Variants in CHD4 observed in about 807,000 individuals in gnomAD.
CHD4 encodes ATP-dependent chromatin remodeler CHD4.
CHD4 carries 35 observed loss-of-function variants against 235.5 expected under a neutral mutation model. That is an observed-to-expected ratio of 0.15 (90% CI 0.11 to 0.20). The LOEUF (loss-of-function observed/expected upper bound fraction) is 0.20, where lower values mean the gene tolerates loss of function less well. Ranked by LOEUF, CHD4 falls within the 10% of genes least tolerant of loss-of-function variation. CHD4 has a pLI of 1.00. For missense variants in CHD4, 1,329 were observed against 2,432.3 expected (o/e 0.55, Z 9.54); for synonymous variants, 900 against 850.2 (o/e 1.06, Z -1.02).
Position 6,583,386 on chromosome 12 carries a change from A to G in CHD4, c.3880-8T>C, listed in dbSNP as rs1209183455. ...TTCTACCTCCTCTTCCTCCTGGGAC[A>G]GAGGGAGGGCCAGGACTCAGGAGTG... On this transcript the variant is annotated splice_polypyrimidine_tract_variant and splice_region_variant and intron_variant, in intron 25 of 39. Transcript: ENST00000544040. 1 of 1,601,178 alleles carries G rather than the reference A, an allele frequency of 6.2e-7. No individual in the cohort carries two copies. Among genetic ancestry groups the G allele is most frequent in the Non-Finnish European group, 8.5e-7 (1 of 1,172,558 alleles).
In CHD4 at chr12:6,581,118, G is replaced by A. The variant is rs752982860; in HGVS notation, c.4835C>T (p.Pro1612Leu). The A allele has an allele frequency of 6.2e-7, 1 of 1,614,014 alleles. No individual in the cohort carries two copies. Among genetic ancestry groups the A allele is most frequent in the South Asian group, 1.1e-5 (1 of 91,074 alleles). Reference protein sequence around the residue: ...SEDEKVVVEPPEGEEKVEKAE... With the variant: ...SEDEKVVVEPLEGEEKVEKAE... ...CTTTTCCACTTTCTCCTCTCCCTCA[G>A]GGGGTTCAACAACGACCTTTTCATC... The change falls in exon 33 of 40, where the codon CCT (proline) becomes CTT (leucine). Residue 1612 changes from proline (P) to leucine (L), a missense_variant. Pro to Leu is a moderately conservative substitution (Grantham distance 98). This residue lies in a region of CHD4 where 219 missense variants were observed against 219.3 expected (regional missense o/e 1.00). Transcript: ENST00000544040.
intron 38 of CHD4, among the ~76,000 whole-genome samples, chr12:6,572,684 A>C (rs971702010): frequency 6.6e-6 from 1 of 152,126 alleles, no homozygotes; most frequent in African/African-American, 2.4e-5. Flanking sequence ...CAGCCTCCTG[A>C]GTAGCTAGGA....
rs1439854828 is a variant in CHD4, at chr12:6,591,205, T to C, written c.3340+261A>G. On this transcript the variant is annotated intron_variant, in intron 22 of 39. Coordinates refer to ENST00000544040, the MANE Select transcript of CHD4 (RefSeq NM_001273.5). The stretch of plus-strand genomic sequence containing the variant: ...TCTGCTAGTAACTTGCTATTTGAGC[T>C]TGAACAAGTCCTGACCCTTTGCTTG... 3 of 332,576 alleles carry C rather than the reference T, an allele frequency of 9.0e-6. No individual in the cohort carries two copies. The East Asian group carries it at 1.5e-4, about 17-fold the overall frequency. 20.6% of individuals were successfully genotyped at this position (332,576 alleles called of 1,614,324 possible). A position where few individuals can be genotyped will look rare whatever the true frequency, so the allele number is the denominator to read the frequency against.
intron 25 of CHD4, 158 bp downstream of exon 25, chr12:6,587,226 G>C: frequency 1.5e-6 from 1 of 683,608 alleles, no homozygotes; most frequent in Non-Finnish European, 2.4e-6. Flanking sequence ...AATCTGATTA[G>C]TCATGTTATC....
rs991690350 is a variant in CHD4 at position 6,601,641 on chromosome 12, G to A, written c.557+7C>T. 1.1e-5 allele frequency: 17 copies of A among 1,613,842 alleles called. No individual in the cohort carries two copies. Among genetic ancestry groups the A allele is most frequent in the Non-Finnish European group, 1.4e-5 (16 of 1,179,834 alleles). On this transcript the variant is annotated splice_region_variant and intron_variant, in intron 5 of 39. Coordinates refer to ENST00000544040, the MANE Select transcript of CHD4 (RefSeq NM_001273.5). ...CCTCCCCCTTCCCCAAACCCCTTCT[G>A]TTTTACCTGACAAACTGGCTGAAGG...
At chr12:6,588,926 C>T (rs1321954884) in intron 22 of CHD4, among the ~76,000 whole-genome samples, 5 of 152,084 alleles carry the variant, frequency 3.3e-5, no homozygotes, top group Admixed American at 3.3e-4. Flanking sequence ...GCCTGGGCAA[C>T]AGAGCAAGAC....
rs1158553929 is a variant in CHD4 at position 6,587,743 on chromosome 12, C to T, written c.3672G>A (p.Glu1224=). 2 of 1,614,196 alleles carry T rather than the reference C, an allele frequency of 1.2e-6. No individual in the cohort carries two copies. The highest frequency in any genetic ancestry group is 1.7e-6 in the Non-Finnish European group (2 of 1,180,034). ...CAGTGGCTTCATCCTTGAATAGTTCCTCAGTGCCAAATTTGAGGATATCAT... is the reference window on the plus strand; with the variant it reads ...CAGTGGCTTCATCCTTGAATAGTTCTTCAGTGCCAAATTTGAGGATATCAT... ...ELDDILKFGT[E]ELFKDEATDG... Residue 1224 remains glutamate, a synonymous_variant, in exon 24 of 40, where the codon GAG becomes GAA. Transcript: ENST00000544040.
intron 9 of CHD4, 48 bp downstream of exon 9, chr12:6,600,165 TCCCA>T: frequency 1.9e-6 from 3 of 1,602,356 alleles, no homozygotes; most frequent in Non-Finnish European, 2.6e-6. Context: ...AGCTTTACTG[TCCCA>T]CCCTTCTTCT....
At position 6,600,533 on chromosome 12, in the gene CHD4, CCTTT is replaced by C; in HGVS notation, c.1060_1063del (p.Lys354AlafsTer5). The C allele has an allele frequency of 6.2e-7, 1 of 1,611,284 alleles. No individual in the cohort carries two copies. Among genetic ancestry groups the C allele is most frequent in the Non-Finnish European group, 8.5e-7 (1 of 1,178,866 alleles). On this transcript the variant is annotated frameshift_variant and splice_region_variant, in exon 8 of 40. Coordinates refer to ENST00000544040, the MANE Select transcript of CHD4 (RefSeq NM_001273.5). LOFTEE classifies it high-confidence loss of function. The stretch of plus-strand genomic sequence containing the variant: ...CACAAATATACAGAAGAGAAACACA[CCTTT>C]CTTTTTCTTTTTAGTGGTTCGGAGT...
intron 10 of CHD4, among the ~76,000 whole-genome samples, chr12:6,599,032 G>A (rs993429708): frequency 1.3e-5 from 2 of 152,190 alleles, no homozygotes; most frequent in African/African-American, 4.8e-5. Flanking sequence ...GCTTAACAGA[G>A]CCAGTAGTTA....
At chr12:6,597,785 A>G (rs761840545) in intron 12 of CHD4, 109 bp downstream of exon 12, 7 of 1,032,098 alleles carry the variant, frequency 6.8e-6, no homozygotes, top group Non-Finnish European at 1.0e-5. Context: ...AACAAACAAA[A>G]AAAACCAGTG....
chr12:6,598,167 T>C (rs1468553799), intron 11 of CHD4, 55 bp downstream of exon 11: 1 of 1,610,724 alleles, frequency 6.2e-7, no homozygotes, highest in African/African-American at 1.3e-5. Flanking sequence ...CAAGGCTCTT[T>C]TGTCACTATC....
Position 6,602,493 on chromosome 12 carries a change from A to C in CHD4, c.105T>G (p.Asn35Lys). The change falls in exon 3 of 40, where the codon AAT (asparagine) becomes AAG (lysine). Residue 35 changes from asparagine to lysine, a missense_variant. Coordinates refer to ENST00000544040, the MANE Select transcript of CHD4 (RefSeq NM_001273.5). ...ACAAATCCTCTTCTGGGTCCTCTTC[A>C]TTTTCTACATATATTTGGCAAAGAG... ...NNSLPPPHPE[N>K]EEDPEEDLSE... The C allele has an allele frequency of 6.2e-7, 1 of 1,611,190 alleles. No individual in the cohort carries two copies. Among genetic ancestry groups the C allele is most frequent in the African/African-American group, 1.3e-5 (1 of 74,442 alleles).
chr12:6,570,848 T>TCA (rs756049428), intron 39 of CHD4, 21 bp downstream of exon 39: 7 of 1,613,618 alleles, frequency 4.3e-6, no homozygotes, highest in African/African-American at 1.3e-5. Context: ...AGAGGTGGTG[T>TCA]CAAGAAGAAA....
In CHD4 at chr12:6,578,557, T is replaced by C. The variant is rs760621559; in HGVS notation, c.4982-11A>G. ...CTTCTTTCTTCTCTTCTACAGAATA[T>C]GGGGAAGAAAAATGTCAGCTCCAGC... On this transcript the variant is annotated splice_polypyrimidine_tract_variant and intron_variant, in intron 34 of 39. Coordinates refer to ENST00000544040, the MANE Select transcript of CHD4 (RefSeq NM_001273.5). 1 of 1,609,392 alleles carries C rather than the reference T, an allele frequency of 6.2e-7. No individual in the cohort carries two copies. Among genetic ancestry groups the C allele is most frequent in the Non-Finnish European group, 8.5e-7 (1 of 1,179,554 alleles).
chr12:6,581,230 AAAGG>A, intron 32 of CHD4, 57 bp from the exon 33 acceptor site: 1 of 1,612,848 alleles, frequency 6.2e-7, no homozygotes, highest in East Asian at 2.2e-5. Flanking sequence ...CCAGCAACTA[AAAGG>A]AAGACTGGAC....
At position 6,590,597 on chromosome 12, in the gene CHD4, T is replaced by C. The variant is rs560654196; in HGVS notation, c.3340+869A>G. 2.9e-3 allele frequency among the ~76,000 whole-genome samples: 434 copies of C among 152,186 alleles called. 4 individuals are homozygous for C. The highest frequency in any genetic ancestry group is 0.02 in the South Asian group (96 of 4,826). ...ACTTTGGGAGGCCAAGGCAGGAGGA[T>C]TGCTTGAGCCCAGAACTTTGTGATC... On this transcript the variant is annotated intron_variant, in intron 22 of 39. Transcript: ENST00000544040.
At chr12:6,577,129 A>G (rs1948084862) in intron 37 of CHD4, among the ~76,000 whole-genome samples, 1 of 152,176 alleles carries the variant, frequency 6.6e-6, no homozygotes, top group Non-Finnish European at 1.5e-5. Context: ...GCCCAGAAAA[A>G]AGAACCAGGC....
chr12:6,594,637 T>C lies in CHD4; in HGVS notation c.2135A>G (p.Tyr712Cys). ...ATCCAGGTACTCTGGCTGTCGCTCA[T>C]ACTTCACTGTTGGCTGAAGGATGAA... ...ETPTVDPTVKYERQPEYLDAT... is the reference protein window; with the variant it reads ...ETPTVDPTVKCERQPEYLDAT... The change falls in exon 15 of 40, where the codon TAT becomes TGT. Residue 712 changes from tyrosine to cysteine, a missense_variant. This residue lies in a region of CHD4 where 121 missense variants were observed against 177.8 expected (regional missense o/e 0.68). Transcript: ENST00000544040. 1 of 1,613,376 alleles carries C rather than the reference T, an allele frequency of 6.2e-7. No homozygotes were observed. Among genetic ancestry groups the C allele is most frequent in the East Asian group, 2.2e-5 (1 of 44,860 alleles).
Sources: gnomAD v4.1 joint callset for allele counts (sites outside exome capture counted in the v4.1 genomes callset) on GRCh38, gnomAD v4.1.1 for gene constraint, gnomAD v4.1.1 regional missense constraint, MANE v1.5 for transcripts, NCBI Gene and HGNC (gene_info 2026-07-23, HGNC 2026-07-21) for gene names.